The following FGF2 variants were observed in gnomAD, a reference collection of about 807,000 sequenced individuals.
The protein encoded by FGF2 is basic fibroblast growth factor bFGF.
FGF2 carries 13 observed loss-of-function variants against 15.9 expected under a neutral mutation model. The ratio of observed to expected loss-of-function variants is 0.82; its 90% CI spans 0.53 to 1.30. The LOEUF (loss-of-function observed/expected upper bound fraction) is 1.30, where lower values mean the gene tolerates loss of function less well. Ranked by LOEUF, FGF2 falls within the 50% of genes most tolerant of loss-of-function variation. FGF2 has a pLI of 0.00. For synonymous variants in FGF2, 90 were observed against 78.4 expected, an observed-to-expected ratio of 1.15 and a Z score of -0.78; for missense variants, 163 against 196.9, an observed-to-expected ratio of 0.83 and a Z score of 1.03.
At chr4:122,861,761 C>CA (rs1726474811) in intron 1 of FGF2, among the ~76,000 whole-genome samples, 2 of 152,162 alleles carry the variant, frequency 1.3e-5, no homozygotes, top group Non-Finnish European at 2.9e-5. Context: ...CCACAACACA[C>CA]ACATACATAC....
chr4:122,877,567 G>C (rs1189508784), intron 2 of FGF2, among the ~76,000 whole-genome samples: 1 of 152,210 alleles, frequency 6.6e-6, no homozygotes, highest in South Asian at 2.1e-4. Flanking sequence ...GATGTATAAA[G>C]AATGGTGCAG....
chr4:122,844,952 A>G (rs952006675), intron 1 of FGF2, among the ~76,000 whole-genome samples: 1 of 152,164 alleles, frequency 6.6e-6, no homozygotes. Context: ...AAGGTTTTCA[A>G]TTTACTTTAC....
Position 122,826,952 on chromosome 4 carries a change from C to T in FGF2, c.-223C>T, listed in dbSNP as rs1292312043. On this transcript the variant is annotated 5_prime_UTR_variant, in exon 1 of 3. Transcript: ENST00000644866. ...CATCCGTGAACCCCAGGTCCCGGGC[C>T]GCCGGCTCGCCGCGCACCAGGGGCC... The T allele has an allele frequency of 6.8e-5, 92 of 1,352,058 alleles. No individual in the cohort carries two copies. The highest frequency in any genetic ancestry group is 8.6e-5 in the Non-Finnish European group (90 of 1,046,922). 83.8% of individuals were successfully genotyped at this position (1,352,058 alleles called of 1,614,324 possible). A position where few individuals can be genotyped will look rare whatever the true frequency, so the allele number is the denominator to read the frequency against.
At chr4:122,856,245 G>A (rs557500337) in intron 1 of FGF2, among the ~76,000 whole-genome samples, 22 of 151,966 alleles carry the variant, frequency 1.4e-4, no homozygotes, top group African/African-American at 5.1e-4. Context: ...TATTCATTTG[G>A]CTTTAAGAGA....
chr4:122,874,336 T>C (rs1216248599), intron 1 of FGF2, among the ~76,000 whole-genome samples: 4 of 152,232 alleles, frequency 2.6e-5, no homozygotes, highest in Admixed American at 6.5e-5. Context: ...TTGGGTTTCA[T>C]GTCTTCATTA....
chr4:122,885,067 A>G (rs954182337), intron 2 of FGF2, among the ~76,000 whole-genome samples: 2 of 152,208 alleles, frequency 1.3e-5, no homozygotes, highest in African/African-American at 4.8e-5. Flanking sequence ...TCAAGTTTGG[A>G]TAGTCAACTC....
intron 1 of FGF2, among the ~76,000 whole-genome samples, chr4:122,829,295 A>G (rs1725711211): frequency 6.6e-6 from 1 of 152,108 alleles, no homozygotes; most frequent in African/African-American, 2.4e-5. Context: ...CTCCCAGGGG[A>G]CATTTGACAA....
chr4:122,889,553 A>G (rs1047462177), intron 2 of FGF2, among the ~76,000 whole-genome samples: 4 of 152,138 alleles, frequency 2.6e-5, no homozygotes, highest in African/African-American at 4.8e-5. Flanking sequence ...TTAGACATCT[A>G]CTTTTCTTGA....
At chr4:122,837,633 A>C (rs1345239506) in intron 1 of FGF2, among the ~76,000 whole-genome samples, 1 of 151,490 alleles carries the variant, frequency 6.6e-6, no homozygotes, top group African/African-American at 2.4e-5. Context: ...GTGTTGGCTC[A>C]TTTGGAGATG....
At chr4:122,849,003 T>C (rs929989859) in intron 1 of FGF2, among the ~76,000 whole-genome samples, 5 of 152,158 alleles carry the variant, frequency 3.3e-5, no homozygotes, top group Non-Finnish European at 5.9e-5. Context: ...CTCCCTTACT[T>C]GCTTCCTGGA....
At chr4:122,866,805 T>C (rs1218370116) in intron 1 of FGF2, among the ~76,000 whole-genome samples, 1 of 152,224 alleles carries the variant, frequency 6.6e-6, no homozygotes, top group Non-Finnish European at 1.5e-5. Flanking sequence ...AGAGTTACCA[T>C]ATGACCCAGT....
At position 122,837,891 on chromosome 4, in the gene FGF2, G is replaced by T. The variant is rs180957846; in HGVS notation, c.178+10539G>T. On this transcript the variant is annotated intron_variant, in intron 1 of 2. Coordinates refer to ENST00000644866, the MANE Select transcript of FGF2 (RefSeq NM_001361665.2). ...ACATTATTTCCTTATCTTCTTTGGG[G>T]TAAGGCATTTATTTAAAAAAAGCTA... Among the ~76,000 whole-genome samples, 32 of 152,010 alleles carry T rather than the reference G, an allele frequency of 2.1e-4. No homozygotes were observed. The East Asian group carries it at 5.8e-3, about 28-fold the overall frequency.
chr4:122,882,549 A>G (rs1337718089), intron 2 of FGF2: 4 of 152,230 alleles, frequency 2.6e-5, no homozygotes, highest in Admixed American at 6.5e-5. Flanking sequence ...ATGTGTTTCT[A>G]TCTCTTTGGA....
rs182580465 is a variant in FGF2 at position 122,886,508 on chromosome 4, A to T, written c.283-5703A>T. ...CTCCTTGAGGGGTAGTATCTACATA[A>T]ATCGTCATTCTTTTGCCTGGGAAAT... On this transcript the variant is annotated intron_variant, in intron 2 of 2. Transcript: ENST00000644866. Among the ~76,000 whole-genome samples, 201 of 152,268 alleles carry T rather than the reference A, an allele frequency of 1.3e-3. 1 individual carries two copies. Among genetic ancestry groups the T allele is most frequent in the Non-Finnish European group, 1.0e-3 (69 of 68,010 alleles).
intron 1 of FGF2, among the ~76,000 whole-genome samples, chr4:122,874,498 A>G (rs3804155): frequency 0.14 from 21,264 of 152,154 alleles, 1,613 homozygotes; most frequent in Middle Eastern, 0.22. Context: ...AAATTCTAAG[A>G]TTGTCTTTTT....
At chr4:122,828,587 G>A (rs1439581954) in intron 1 of FGF2, among the ~76,000 whole-genome samples, 4 of 152,146 alleles carry the variant, frequency 2.6e-5, no homozygotes, top group Non-Finnish European at 4.4e-5. Flanking sequence ...GGAGGTGGAG[G>A]GGGGCTGGAA....
intron 1 of FGF2, among the ~76,000 whole-genome samples, chr4:122,870,631 C>A (rs1726711594): frequency 1.3e-5 from 2 of 152,098 alleles, no homozygotes; most frequent in Non-Finnish European, 2.9e-5. Context: ...TTATTGTATT[C>A]TCTGATGATA....
chr4:122,852,412 T>C (rs1726253524), intron 1 of FGF2, among the ~76,000 whole-genome samples: 1 of 152,216 alleles, frequency 6.6e-6, no homozygotes, highest in African/African-American at 2.4e-5. Flanking sequence ...AGCTCCATTG[T>C]GTAAGCCGCT....
In FGF2 at chr4:122,898,098, T is replaced by A. The variant is rs573960906; in HGVS notation, c.*5702T>A. On this transcript the variant is annotated 3_prime_UTR_variant, in exon 3 of 3. Transcript: ENST00000644866. The stretch of plus-strand genomic sequence containing the variant: ...CTAAAATATGCTATTTTAAAATCTA[T>A]TTCCTATATTGTATTTCTAATCAGA... 1.9e-5 allele frequency: 3 copies of A among 161,544 alleles called. No homozygotes were observed. The East Asian group carries it at 5.4e-4, about 29-fold the overall frequency. The allele number at this position is 161,544 out of a possible 1,614,324, so 10.0% of individuals were successfully genotyped here. A position where few individuals can be genotyped will look rare whatever the true frequency, so the allele number is the denominator to read the frequency against.
Sources: gnomAD v4.1 joint callset for allele counts (sites outside exome capture counted in the v4.1 genomes callset) on GRCh38, gnomAD v4.1.1 for gene constraint, MANE v1.5 for transcripts, NCBI Gene and HGNC (gene_info 2026-07-23, HGNC 2026-07-21) for gene names.